Variants in SEMA5A observed in about 807,000 individuals in gnomAD.
SEMA5A encodes semaphorin 5A.
A neutral mutation model predicts 135.5 loss-of-function variants in SEMA5A; 55 were observed. That is an observed-to-expected ratio of 0.41 (90% CI 0.33 to 0.51). The LOEUF is 0.51. SEMA5A is among the 20% of genes least tolerant of loss of function. SEMA5A has a pLI of 0.37. For synonymous variants in SEMA5A, 580 were observed against 546.5 expected (o/e 1.06, Z -0.85); for missense variants, 1,290 against 1,419.9 (o/e 0.91, Z 1.47).
intron 15 of SEMA5A, among the ~76,000 whole-genome samples, chr5:9,115,887 G>C (rs1173655550): frequency 6.6e-6 from 1 of 152,158 alleles, no homozygotes; most frequent in African/African-American, 2.4e-5. Flanking sequence ...TGTCACTTTT[G>C]TGATTATGTT....
chr5:9,461,384 C>T (rs998119204), intron 1 of SEMA5A, among the ~76,000 whole-genome samples: 4 of 152,198 alleles, frequency 2.6e-5, no homozygotes, highest in African/African-American at 9.6e-5. Context: ...AATGGAAATG[C>T]TTACAGCAAT....
chr5:9,093,557 G>C (rs1283953051), intron 16 of SEMA5A, among the ~76,000 whole-genome samples: 1 of 151,838 alleles, frequency 6.6e-6, no homozygotes, highest in Non-Finnish European at 1.5e-5. Context: ...AAATATAAAA[G>C]TTAGCTGGGC....
At chr5:9,306,466 T>C (rs1222789660) in intron 5 of SEMA5A, among the ~76,000 whole-genome samples, 1 of 152,150 alleles carries the variant, frequency 6.6e-6, no homozygotes, top group African/African-American at 2.4e-5. Flanking sequence ...ATATTATTTG[T>C]TTTTAAAAAA....
At chr5:9,089,676 A>G (rs989586137) in intron 16 of SEMA5A, among the ~76,000 whole-genome samples, 3 of 152,184 alleles carry the variant, frequency 2.0e-5, no homozygotes, top group African/African-American at 7.2e-5. Context: ...ATGGTATTGA[A>G]CGCTAGCAGC....
chr5:9,447,106 AAACAG>A (rs1758460853), intron 1 of SEMA5A, among the ~76,000 whole-genome samples: 1 of 152,234 alleles, frequency 6.6e-6, no homozygotes, highest in Non-Finnish European at 1.5e-5. Context: ...ATTTTCCTAA[AAACAG>A]AACAGGCAGT....
intron 16 of SEMA5A, among the ~76,000 whole-genome samples, chr5:9,089,593 T>A (rs1738919194): frequency 6.6e-6 from 1 of 152,134 alleles, no homozygotes; most frequent in Admixed American, 6.5e-5. Flanking sequence ...GGATAAATTA[T>A]CCCCACTCTT....
chr5:9,402,189 A>G (rs1417186636), intron 2 of SEMA5A, among the ~76,000 whole-genome samples: 2 of 152,186 alleles, frequency 1.3e-5, no homozygotes, highest in Non-Finnish European at 2.9e-5. Context: ...ACGGCCAGGG[A>G]CTAGTAAGTT....
chr5:9,142,081 G>A (rs772605837), intron 12 of SEMA5A, among the ~76,000 whole-genome samples: 1 of 152,180 alleles, frequency 6.6e-6, no homozygotes, highest in Non-Finnish European at 1.5e-5. Context: ...CTGTCACTGA[G>A]CTCCAAGAAC....
At chr5:9,390,045 T>C (rs1325786434) in intron 2 of SEMA5A, among the ~76,000 whole-genome samples, 1 of 152,230 alleles carries the variant, frequency 6.6e-6, no homozygotes, top group Non-Finnish European at 1.5e-5. Context: ...CTCTTTACAA[T>C]ATTAGCACTT....
intron 3 of SEMA5A, among the ~76,000 whole-genome samples, chr5:9,371,522 AT>A (rs1174978131): frequency 6.6e-6 from 1 of 152,234 alleles, no homozygotes; most frequent in Non-Finnish European, 1.5e-5. Flanking sequence ...TTTTTTAAAA[AT>A]ATTTCATTTC....
At chr5:9,256,616 C>T (rs148325157) in intron 5 of SEMA5A, among the ~76,000 whole-genome samples, 7 of 152,354 alleles carry the variant, frequency 4.6e-5, no homozygotes, top group African/African-American at 1.4e-4. Flanking sequence ...CTTTTCCTAA[C>T]TATTAATTGA....
intron 1 of SEMA5A, among the ~76,000 whole-genome samples, chr5:9,501,911 C>T (rs1735618245): frequency 6.6e-6 from 1 of 152,136 alleles, no homozygotes; most frequent in South Asian, 2.1e-4. Flanking sequence ...TCCATTCATC[C>T]ACCCGTAGAA....
At chr5:9,388,469 G>GAAA (rs397996757) in intron 2 of SEMA5A, among the ~76,000 whole-genome samples, 7 of 110,502 alleles carry the variant, frequency 6.3e-5, no homozygotes, top group African/African-American at 2.4e-4. Flanking sequence ...TCCTTTCTAA[G>GAAA]AAAAAAAAAA....
chr5:9,209,988 C>T (rs1746254924), intron 8 of SEMA5A, among the ~76,000 whole-genome samples: 1 of 152,176 alleles, frequency 6.6e-6, no homozygotes, highest in South Asian at 2.1e-4. Context: ...AGACAATGAA[C>T]ATTGAGCCAT....
chr5:9,036,763 A>G lies in SEMA5A; in HGVS notation c.*6134T>C, dbSNP rs1313317180. 1.3e-5 allele frequency: 2 copies of G among 152,636 alleles called. No homozygotes were observed. The highest frequency in any genetic ancestry group is 2.9e-5 in the Non-Finnish European group (2 of 68,040). The allele number at this position is 152,636 out of a possible 1,614,324, so 9.5% of individuals were successfully genotyped here. ...GAATAATTTTCTTTAAAGTAAATCC[A>G]ATCAATCTTCTCCTTCTAATTAGAC... On this transcript the variant is annotated 3_prime_UTR_variant, in exon 23 of 23. Transcript: ENST00000382496.
chr5:9,415,646 A>G (rs566843906), intron 2 of SEMA5A, among the ~76,000 whole-genome samples: 173 of 152,292 alleles, frequency 1.1e-3, no homozygotes, highest in African/African-American at 3.8e-3. Context: ...GTACTTCCAG[A>G]TGGTTGGTCT....
At chr5:9,173,005 G>T (rs572412056) in intron 11 of SEMA5A, among the ~76,000 whole-genome samples, 20 of 152,304 alleles carry the variant, frequency 1.3e-4, no homozygotes, top group African/African-American at 4.8e-4. Flanking sequence ...AGAATCTGGT[G>T]ATAAGTGTTC....
intron 1 of SEMA5A, among the ~76,000 whole-genome samples, chr5:9,512,286 C>T (rs1736248316): frequency 6.6e-6 from 1 of 152,180 alleles, no homozygotes; most frequent in Non-Finnish European, 1.5e-5. Flanking sequence ...CATAATTTTG[C>T]ATTTCCTTTT....
intron 6 of SEMA5A, among the ~76,000 whole-genome samples, chr5:9,236,120 C>T (rs1313735446): frequency 6.6e-6 from 1 of 152,120 alleles, no homozygotes; most frequent in African/African-American, 2.4e-5. Flanking sequence ...TCCCCCAGGT[C>T]TCTTCTAGCA....
Sources: allele counts gnomAD v4.1 joint callset (sites outside exome capture counted in the v4.1 genomes callset), GRCh38; gene constraint gnomAD v4.1.1; transcripts MANE v1.5; gene names NCBI Gene and HGNC (gene_info 2026-07-23, HGNC 2026-07-21).